The following MYO1H variants were observed in gnomAD, a reference collection of about 807,000 sequenced individuals.
The protein encoded by MYO1H is unconventional myosin-Ih.
A neutral mutation model predicts 149.3 loss-of-function variants in MYO1H; 118 were observed. That is an observed-to-expected ratio of 0.79 (90% CI 0.68 to 0.92). MYO1H has a LOEUF of 0.92. Among genes scored for constraint, MYO1H ranks in the 40% least tolerant of loss-of-function variants. The probability of loss-of-function intolerance (pLI) is 0.00; values close to 1 mark genes in which losing one functional copy is unlikely to be tolerated. For synonymous variants in MYO1H, 447 were observed against 465.2 expected, an observed-to-expected ratio of 0.96 and a Z score of 0.50; for missense variants, 1,212 against 1,280.7, an observed-to-expected ratio of 0.95 and a Z score of 0.82.
At chr12:109,409,240 C>CTTT (rs1870542742) in intron 10 of MYO1H, among the ~76,000 whole-genome samples, 11 of 91,020 alleles carry the variant, frequency 1.2e-4, no homozygotes, top group African/African-American at 2.6e-4. Context: ...TCTTCTTCTT[C>CTTT]TTCTTCTTTT....
At chr12:109,318,912 G>A in the MYO1H span, among the ~76,000 whole-genome samples, 1 of 150,968 alleles carries the variant, frequency 6.6e-6, no homozygotes, top group Admixed American at 6.6e-5. Context: ...TGATGGGCGG[G>A]AGTGAGGGGA....
At chr12:109,353,369 G>A (rs1253875950) in intron 1 of MYO1H, among the ~76,000 whole-genome samples, 1 of 128,170 alleles carries the variant, frequency 7.8e-6, no homozygotes, top group Non-Finnish European at 1.6e-5. Flanking sequence ...ACTCCAGCCT[G>A]GGTGACAGAG....
chr12:109,379,690 G>A (rs1869160436), intron 1 of MYO1H, among the ~76,000 whole-genome samples: 1 of 147,760 alleles, frequency 6.8e-6, no homozygotes, highest in Admixed American at 6.8e-5. Context: ...CATGTAAATT[G>A]CTTATATTTA....
exon 32 of MYO1H, chr12:109,448,312 G>T (rs1455002560): frequency 6.6e-6 from 1 of 152,222 alleles, no homozygotes; most frequent in Non-Finnish European, 1.5e-5. Context: ...ACTAAGTAAA[G>T]GAAATTTCCT....
intron 3 of MYO1H, among the ~76,000 whole-genome samples, chr12:109,394,784 C>T (rs891382075): frequency 6.6e-6 from 1 of 152,112 alleles, no homozygotes; most frequent in Admixed American, 6.6e-5. Context: ...TATGTTGAGA[C>T]AGGGTCTCGC....
At chr12:109,381,439 A>G (rs1485798794) in intron 1 of MYO1H, among the ~76,000 whole-genome samples, 3 of 152,166 alleles carry the variant, frequency 2.0e-5, no homozygotes, top group African/African-American at 7.2e-5. Context: ...AAATTAATTA[A>G]ACTAAAAATT....
At chr12:109,446,211 G>C in intron 31 of MYO1H, 1 of 985,432 alleles carries the variant, frequency 1.0e-6, no homozygotes, top group South Asian at 4.7e-5. Flanking sequence ...GAGAAGTCTA[G>C]CCTGAGCACA....
At chr12:109,324,039 G>T in the MYO1H span, among the ~76,000 whole-genome samples, 15 of 151,530 alleles carry the variant, frequency 9.9e-5, no homozygotes, top group African/African-American at 3.6e-4. Flanking sequence ...GTGTTCAACA[G>T]AGCTGGCTTG....
At chr12:109,331,828 T>C in the MYO1H span, among the ~76,000 whole-genome samples, 30 of 152,358 alleles carry the variant, frequency 2.0e-4, no homozygotes, top group East Asian at 5.8e-3. Context: ...TTGTTCCTAA[T>C]GCTTTTGCAT....
the MYO1H span, among the ~76,000 whole-genome samples, chr12:109,338,789 A>T: frequency 7.1e-6 from 1 of 140,510 alleles, no homozygotes; most frequent in Non-Finnish European, 1.6e-5. Flanking sequence ...AAAAAAAAAA[A>T]ATCATTTTCC....
chr12:109,444,643 G>C (rs1319357328), intron 30 of MYO1H, 114 bp downstream of exon 30: 5 of 782,246 alleles, frequency 6.4e-6, no homozygotes, highest in East Asian at 2.6e-5. Context: ...GAGGTGAGCA[G>C]ATAACTTGAG....
the MYO1H span, among the ~76,000 whole-genome samples, chr12:109,311,653 TTTTTG>T: frequency 4.6e-5 from 7 of 152,308 alleles, no homozygotes; most frequent in East Asian, 1.9e-4. Context: ...ATACCCACCT[TTTTTG>T]TTTTGTTTTG....
At chr12:109,374,904 G>T (rs1869057765) in intron 1 of MYO1H, among the ~76,000 whole-genome samples, 1 of 151,730 alleles carries the variant, frequency 6.6e-6, no homozygotes, top group Non-Finnish European at 1.5e-5. Flanking sequence ...GCCCAGGCTG[G>T]AGTGTAGTGG....
chr12:109,319,920 G>A, the MYO1H span, among the ~76,000 whole-genome samples: 1 of 152,090 alleles, frequency 6.6e-6, no homozygotes, highest in Non-Finnish European at 1.5e-5. Context: ...AGAACAGATT[G>A]TTTTTGTTTT....
intron 3 of MYO1H, among the ~76,000 whole-genome samples, 182 bp downstream of exon 3, chr12:109,393,628 C>G (rs1869772258): frequency 6.7e-6 from 1 of 150,292 alleles, no homozygotes; most frequent in Non-Finnish European, 1.5e-5. Context: ...TCCATCCATC[C>G]ACATATCCAT....
intron 1 of MYO1H, among the ~76,000 whole-genome samples, chr12:109,363,833 G>C (rs1281843727): frequency 3.3e-5 from 5 of 152,072 alleles, no homozygotes; most frequent in African/African-American, 1.2e-4. Flanking sequence ...GGGTAACATA[G>C]CAAGACGAAA....
chr12:109,312,785 GTTTTGT>G, the MYO1H span, among the ~76,000 whole-genome samples: 12 of 101,232 alleles, frequency 1.2e-4, no homozygotes, highest in African/African-American at 4.6e-4. Context: ...TTTTTGTTTT[GTTTTGT>G]TTTTTTTTTT....
chr12:109,353,281 C>T (rs1300379823), intron 1 of MYO1H, among the ~76,000 whole-genome samples: 2 of 151,052 alleles, frequency 1.3e-5, no homozygotes, highest in Non-Finnish European at 2.9e-5. Flanking sequence ...GTAATCCCAG[C>T]TACTCAGGAG....
At position 109,365,028 on chromosome 12, in the gene MYO1H, T is replaced by C. The variant is rs557834737; in HGVS notation, c.12+17056T>C. ...GTTCACAACTATAATCCCAGTGATT[T>C]GGAAGGCCGAGGCGGGAGGATCGCT... On this transcript the variant is annotated intron_variant, in intron 1 of 31. Coordinates refer to ENST00000310903, the Ensembl canonical transcript of MYO1H. 5.3e-5 allele frequency among the ~76,000 whole-genome samples: 8 copies of C among 152,316 alleles called. No individual in the cohort carries two copies. The East Asian group carries it at 1.5e-3, about 29-fold the overall frequency.
Sources: gnomAD v4.1 joint callset for allele counts (sites outside exome capture counted in the v4.1 genomes callset) on GRCh38, gnomAD v4.1.1 for gene constraint, MANE v1.5 for transcripts, NCBI Gene and HGNC (gene_info 2026-07-23, HGNC 2026-07-21) for gene names.